CFI: variants seen among roughly 807,000 people sequenced by gnomAD.
CFI encodes C3B/C4B inactivator.
A neutral mutation model predicts 78.8 loss-of-function variants in CFI; 66 were observed. The ratio of observed to expected loss-of-function variants is 0.84; its 90% CI spans 0.69 to 1.03. The LOEUF (loss-of-function observed/expected upper bound fraction) is 1.03. Among genes scored for constraint, CFI ranks in the 50% least tolerant of loss-of-function variants. The probability of loss-of-function intolerance (pLI) is 0.00; values close to 1 mark genes in which losing one functional copy is unlikely to be tolerated. For missense variants in CFI, 706 were observed against 704.5 expected (o/e 1.00, Z -0.02); for synonymous variants, 250 against 232.6 (o/e 1.07, Z -0.68).
At chr4:109,774,021 A>G (rs1358801785) in intron 1 of CFI, among the ~76,000 whole-genome samples, 6 of 152,256 alleles carry the variant, frequency 3.9e-5, no homozygotes, top group African/African-American at 1.4e-4. Flanking sequence ...GGAATGTGGA[A>G]AAAATATCAG....
chr4:109,783,550 C>A (rs895631152), intron 1 of CFI, among the ~76,000 whole-genome samples: 5 of 151,668 alleles, frequency 3.3e-5, no homozygotes, highest in African/African-American at 1.2e-4. Flanking sequence ...ATGTGGTGAT[C>A]AGGGAACACT....
chr4:109,776,396 A>G (rs1729244014), intron 1 of CFI, among the ~76,000 whole-genome samples: 1 of 152,210 alleles, frequency 6.6e-6, no homozygotes, highest in Non-Finnish European at 1.5e-5. Flanking sequence ...AATGAATGAA[A>G]TGAAGCGAGA....
intron 3 of CFI, chr4:109,762,569 G>C (rs932719038): frequency 2.0e-5 from 3 of 152,064 alleles, no homozygotes; most frequent in African/African-American, 7.2e-5. Context: ...ATAAAAAATT[G>C]AGCAAAGATG....
chr4:109,766,027 A>C (rs1041323526), intron 2 of CFI, among the ~76,000 whole-genome samples: 2 of 152,134 alleles, frequency 1.3e-5, no homozygotes, highest in Non-Finnish European at 1.5e-5. Context: ...CTGAGGCAGG[A>C]GAATGGCATG....
At chr4:109,748,032 G>A (rs529533205) in intron 10 of CFI, among the ~76,000 whole-genome samples, 1 of 152,272 alleles carries the variant, frequency 6.6e-6, no homozygotes, top group Non-Finnish European at 1.5e-5. Context: ...CTGCAGCTCA[G>A]GGGTAGAGTA....
Position 109,759,998 on chromosome 4 carries a change from G to A in CFI, c.883+272C>T, listed in dbSNP as rs1726828076. ...GGCAAACTATCAATAACTTGCAGGT[G>A]GAAAATGGGTACTTAAGGATTGGTT... On this transcript the variant is annotated intron_variant, in intron 6 of 12. Transcript: ENST00000394634. The A allele has an allele frequency of 7.0e-6, 4 of 572,712 alleles. No homozygotes were observed. The Admixed American group carries it at 1.0e-4, about 15-fold the overall frequency. 35.5% of individuals were successfully genotyped at this position (572,712 alleles called of 1,614,324 possible). A position where few individuals can be genotyped will look rare whatever the true frequency, so the allele number is the denominator to read the frequency against.
intron 1 of CFI, among the ~76,000 whole-genome samples, chr4:109,781,643 T>C (rs1409214056): frequency 6.6e-6 from 1 of 152,020 alleles, no homozygotes; most frequent in Admixed American, 6.6e-5. Context: ...GAAGGAACCC[T>C]CCCCAATTCA....
In CFI at chr4:109,750,099, G is replaced by A. The variant is rs557821845; in HGVS notation, c.941-497C>T. 4.0e-4 allele frequency among the ~76,000 whole-genome samples: 60 copies of A among 151,828 alleles called. 1 individual carries two copies. The South Asian group carries it at 9.8e-3, about 25-fold the overall frequency. ...GCAACCTCCGCCTCCCGGGTTCAAG[G>A]GATTCTCCTGCCTCAGCCTCCCAAG... On this transcript the variant is annotated intron_variant, in intron 8 of 12. Coordinates refer to ENST00000394634, the MANE Select transcript of CFI (RefSeq NM_000204.5).
intron 1 of CFI, among the ~76,000 whole-genome samples, chr4:109,772,581 G>GTTTTTTTTTTTT (rs35970339): frequency 6.8e-6 from 1 of 146,438 alleles, no homozygotes; most frequent in Non-Finnish European, 1.5e-5. Context: ...GAATTTGATC[G>GTTTTTTTTTTTT]TTTTTTTTTT....
At chr4:109,776,016 A>G (rs928874196) in intron 1 of CFI, among the ~76,000 whole-genome samples, 9 of 152,170 alleles carry the variant, frequency 5.9e-5, no homozygotes, top group Non-Finnish European at 1.3e-4. Flanking sequence ...GGCAGATAAA[A>G]CCACAAAGAT....
At chr4:109,762,679 T>A (rs1214602156) in intron 3 of CFI, 2 of 152,198 alleles carry the variant, frequency 1.3e-5, no homozygotes, top group East Asian at 3.8e-4. Context: ...AGCCAAGATT[T>A]GTAATTATTT....
chr4:109,755,509 T>G (rs1314849750), intron 7 of CFI, among the ~76,000 whole-genome samples: 1 of 152,174 alleles, frequency 6.6e-6, no homozygotes, highest in Non-Finnish European at 1.5e-5. Flanking sequence ...TCATGAGGGC[T>G]CTTCCCTCAT....
At chr4:109,798,874 A>G (rs201955431) in intron 1 of CFI, among the ~76,000 whole-genome samples, 45 of 143,060 alleles carry the variant, frequency 3.1e-4, no homozygotes, top group East Asian at 2.8e-3. Flanking sequence ...ATTTCCTTCA[A>G]TGCAAGAGGA....
At chr4:109,731,630 G>A in the CFI span, among the ~76,000 whole-genome samples, 4 of 152,280 alleles carry the variant, frequency 2.6e-5, 1 homozygote, top group South Asian at 6.2e-4. Flanking sequence ...AAACAGGGTA[G>A]CCCAACAAAC....
intron 1 of CFI, among the ~76,000 whole-genome samples, chr4:109,795,007 G>T (rs934808354): frequency 1.3e-5 from 2 of 152,092 alleles, no homozygotes; most frequent in South Asian, 4.2e-4. Flanking sequence ...GGATCAAGGT[G>T]AGAGGTTACA....
At chr4:109,776,855 T>C (rs1729316536) in intron 1 of CFI, among the ~76,000 whole-genome samples, 1 of 152,226 alleles carries the variant, frequency 6.6e-6, no homozygotes, top group Non-Finnish European at 1.5e-5. Context: ...ACCCAGAATT[T>C]CATATCAAGA....
At chr4:109,769,711 T>TA (rs1397913262) in intron 1 of CFI, among the ~76,000 whole-genome samples, 1 of 152,182 alleles carries the variant, frequency 6.6e-6, no homozygotes, top group Non-Finnish European at 1.5e-5. Context: ...TATCCAACAG[T>TA]ACTAGCCCGT....
At chr4:109,783,239 A>C (rs1678767105) in intron 1 of CFI, among the ~76,000 whole-genome samples, 1 of 152,190 alleles carries the variant, frequency 6.6e-6, no homozygotes, top group Non-Finnish European at 1.5e-5. Context: ...GAGTAAACAG[A>C]CAACCCATAG....
At chr4:109,732,011 T>TA in the CFI span, among the ~76,000 whole-genome samples, 1 of 152,246 alleles carries the variant, frequency 6.6e-6, no homozygotes, top group African/African-American at 2.4e-5. Flanking sequence ...CCTGAATCCT[T>TA]AAACCAGGCT....
Sources: allele counts gnomAD v4.1 joint callset (sites outside exome capture counted in the v4.1 genomes callset), GRCh38; gene constraint gnomAD v4.1.1; transcripts MANE v1.5; gene names NCBI Gene and HGNC (gene_info 2026-07-23, HGNC 2026-07-21).